The following N4BP2 variants were observed in gnomAD, a reference collection of about 807,000 sequenced individuals.
The protein encoded by N4BP2 is NEDD4-binding protein 2.
A neutral mutation model predicts 152.8 loss-of-function variants in N4BP2; 91 were observed. The observed-to-expected ratio is 0.60, with a 90% CI of 0.50 to 0.71. The LOEUF is 0.71. N4BP2 is among the 30% of genes least tolerant of loss of function. N4BP2 has a pLI of 0.00. For missense variants in N4BP2, 1,923 were observed against 2,059.1 expected (o/e 0.93, Z 1.28); for synonymous variants, 646 against 705.3 (o/e 0.92, Z 1.33).
At chr4:40,067,667 G>A (rs927134477) in intron 1 of N4BP2, among the ~76,000 whole-genome samples, 1 of 152,006 alleles carries the variant, frequency 6.6e-6, no homozygotes, top group African/African-American at 2.4e-5. Context: ...AAGGGTTCCA[G>A]TTTCTCTACA....
At chr4:40,161,906 G>A (rs192400326), downstream of N4BP2, among the ~76,000 whole-genome samples, 1 of 152,174 alleles carries the variant, frequency 6.6e-6, no homozygotes, top group Admixed American at 6.5e-5. Flanking sequence ...TACGTCTGCC[G>A]TAATTTAAAG....
intron 11 of N4BP2, 77 bp downstream of exon 11, chr4:40,124,282 A>G: frequency 9.6e-7 from 1 of 1,041,102 alleles, no homozygotes; most frequent in South Asian, 1.6e-5. Context: ...CTCATTCTAA[A>G]TTACTTCCAC....
At chr4:40,090,053 T>C (rs1714379775) in intron 2 of N4BP2, among the ~76,000 whole-genome samples, 1 of 152,224 alleles carries the variant, frequency 6.6e-6, no homozygotes, top group Non-Finnish European at 1.5e-5. Context: ...ATTGAATTGC[T>C]TTTGCACCAT....
chr4:40,185,793 A>C, the N4BP2 span, among the ~76,000 whole-genome samples: 1 of 152,168 alleles, frequency 6.6e-6, no homozygotes, highest in Non-Finnish European at 1.5e-5. Context: ...TAAATGATTA[A>C]AAAAATGCAC....
At chr4:40,116,023 G>T (rs1013012014) in intron 7 of N4BP2, among the ~76,000 whole-genome samples, 11 of 152,008 alleles carry the variant, frequency 7.2e-5, no homozygotes, top group Admixed American at 2.0e-4. Flanking sequence ...CTAATTAATT[G>T]AACCTTTTAT....
At chr4:40,104,815 T>G (rs1716083721) in intron 4 of N4BP2, among the ~76,000 whole-genome samples, 1 of 151,582 alleles carries the variant, frequency 6.6e-6, no homozygotes, top group Non-Finnish European at 1.5e-5. Flanking sequence ...GTCTTTTTTT[T>G]TTTTTTGGAG....
chr4:40,189,921 T>TAC, the N4BP2 span, among the ~76,000 whole-genome samples: 6,607 of 149,258 alleles, frequency 0.044, 426 homozygotes, highest in African/African-American at 0.15. The surrounding 1 kb of genome is among the most constrained non-coding windows in gnomAD (Gnocchi z 4.3). Flanking sequence ...CACAGACACA[T>TAC]ACACACACAC....
the N4BP2 span, among the ~76,000 whole-genome samples, chr4:40,165,712 A>G: frequency 1.3e-5 from 2 of 152,308 alleles, no homozygotes; most frequent in African/African-American, 4.8e-5. Flanking sequence ...CATAGAGTGA[A>G]TAGAATAGAT....
intron 14 of N4BP2, 165 bp from the exon 15 acceptor site, chr4:40,142,508 A>G (rs938704903): frequency 3.5e-6 from 2 of 578,618 alleles, no homozygotes; most frequent in African/African-American, 3.7e-5. Context: ...ATGATAGTCG[A>G]TAAATGCCTG....
intron 16 of N4BP2, among the ~76,000 whole-genome samples, chr4:40,149,852 G>C (rs889734149): frequency 4.7e-5 from 7 of 149,482 alleles, no homozygotes; most frequent in African/African-American, 1.7e-4. Flanking sequence ...AGCCGAGATC[G>C]AGCCACTGCA....
chr4:40,083,642 G>A (rs569597532), intron 2 of N4BP2, among the ~76,000 whole-genome samples: 2 of 152,248 alleles, frequency 1.3e-5, no homozygotes, highest in South Asian at 4.1e-4. Context: ...AACCTATAGA[G>A]ACAAAAGTAG....
At chr4:40,130,582 C>T (rs1209280027) in intron 12 of N4BP2, among the ~76,000 whole-genome samples, 1 of 151,854 alleles carries the variant, frequency 6.6e-6, no homozygotes, top group Non-Finnish European at 1.5e-5. Flanking sequence ...GTGACTTCAT[C>T]TGAGCTCACT....
chr4:40,123,000 A>G lies in N4BP2; in HGVS notation c.4199-127A>G, dbSNP rs907451475. 5.1e-5 allele frequency: 29 copies of G among 570,764 alleles called. No homozygotes were observed. In the Admixed American group the frequency reaches 7.6e-4, roughly 15 times the overall value. 35.4% of individuals were successfully genotyped at this position (570,764 alleles called of 1,614,324 possible). Reference sequence around the variant, plus strand: ...ATAGAAATACTCTAAGATTTAGTAAATAGAAGCATAAGTTAGGAATTAATA... The same window carrying G: ...ATAGAAATACTCTAAGATTTAGTAAGTAGAAGCATAAGTTAGGAATTAATA... On this transcript the variant is annotated intron_variant, in intron 9 of 17. Transcript: ENST00000261435.
intron 2 of N4BP2, among the ~76,000 whole-genome samples, chr4:40,074,936 G>A (rs1021554842): frequency 2.6e-5 from 4 of 152,060 alleles, no homozygotes; most frequent in African/African-American, 9.7e-5. Context: ...GAGCCTGGGA[G>A]GCAGAGGCTG....
chr4:40,143,596 C>T (rs912046286), intron 15 of N4BP2, among the ~76,000 whole-genome samples: 3 of 152,156 alleles, frequency 2.0e-5, no homozygotes, highest in Non-Finnish European at 2.9e-5. Flanking sequence ...GTACTACTTC[C>T]GGCCAGGAAT....
intron 1 of N4BP2, among the ~76,000 whole-genome samples, chr4:40,061,229 G>A (rs749385417): frequency 3.2e-4 from 48 of 151,988 alleles, no homozygotes; most frequent in Non-Finnish European, 6.5e-4. Context: ...GAGTGCAGTG[G>A]CATAATCTTG....
the N4BP2 span, chr4:40,167,901 T>C: frequency 2.0e-5 from 3 of 152,124 alleles, no homozygotes; most frequent in Admixed American, 2.0e-4. Context: ...AGAGGTGGTA[T>C]TGGAGGAAAG....
At chr4:40,147,710 CGGCTGGCCCTCACTTCCCAGACGGGGT>C (rs1560645686) in intron 16 of N4BP2, among the ~76,000 whole-genome samples, 1 of 150,266 alleles carries the variant, frequency 6.7e-6, no homozygotes, top group Non-Finnish European at 1.5e-5. Context: ...CCAGACGGGG[CGGCTGGCCCTCACTTCCCAGACGGGGT>C]GGCTGCCGGG....
chr4:40,099,097 G>T (rs1020866748), intron 3 of N4BP2, among the ~76,000 whole-genome samples: 4 of 150,742 alleles, frequency 2.7e-5, no homozygotes, highest in African/African-American at 9.8e-5. Flanking sequence ...TTATTTTCTT[G>T]CGTCACAGGG....
Sources: gnomAD v4.1 joint callset for allele counts (sites outside exome capture counted in the v4.1 genomes callset) on GRCh38, gnomAD v4.1.1 for gene constraint, Gnocchi (gnomAD v3.1) non-coding constraint, MANE v1.5 for transcripts, NCBI Gene and HGNC (gene_info 2026-07-23, HGNC 2026-07-21) for gene names.